Variants in KCNQ1OT1 observed in about 807,000 individuals in gnomAD.
KCNQ1OT1 encodes the protein KCNQ1 antisense RNA 2 (non-protein coding).
exon 1 of KCNQ1OT1, chr11:2,632,373 A>G (rs899314068): frequency 7.5e-6 from 3 of 398,154 alleles, no homozygotes; most frequent in African/African-American, 6.2e-5. Context: ...TCTTTTCCAT[A>G]TTCTTTGGCT....
At chr11:2,630,866 G>C (rs1264234075) in exon 1 of KCNQ1OT1, 1 of 398,336 alleles carries the variant, frequency 2.5e-6, no homozygotes, top group Non-Finnish European at 4.4e-6. Flanking sequence ...ATTCTTAGAT[G>C]GCAGTTTTTT....
exon 1 of KCNQ1OT1, chr11:2,630,764 G>A: frequency 5.0e-6 from 2 of 398,454 alleles, no homozygotes; most frequent in Non-Finnish European, 8.8e-6. Flanking sequence ...TGTAAGGCAA[G>A]AGTAGTTGCT....
rs1236971335 is a variant in KCNQ1OT1 at position 2,679,612 on chromosome 11, T to C, written n.20383A>G. 1 of 398,492 alleles carries C rather than the reference T, an allele frequency of 2.5e-6. No individual in the cohort carries two copies. Among genetic ancestry groups the C allele is most frequent in the East Asian group, 3.6e-5 (1 of 28,096 alleles). 24.7% of individuals were successfully genotyped at this position (398,492 alleles called of 1,614,324 possible). On this transcript the variant is annotated non_coding_transcript_exon_variant, in exon 1 of 1. Coordinates refer to ENST00000597346, the Ensembl canonical transcript of KCNQ1OT1. This position sits in a 1 kb window ranked among gnomAD's most constrained non-coding sequence, Gnocchi z 4.8. Reference sequence around the variant, plus strand: ...AAGCTGATGGGGAGGCGAGTTGGAATGAATAGTATCAGCATCAGAAAAAAT... The same window carrying C: ...AAGCTGATGGGGAGGCGAGTTGGAACGAATAGTATCAGCATCAGAAAAAAT...
Position 2,657,209 on chromosome 11 carries a change from C to T in KCNQ1OT1, n.42786G>A. On this transcript the variant is annotated non_coding_transcript_exon_variant, in exon 1 of 1. Coordinates refer to ENST00000597346, the Ensembl canonical transcript of KCNQ1OT1. The surrounding 1 kb of genome is among the most constrained non-coding windows in gnomAD (Gnocchi z 4.8). ...AATATTGCCAATTCTTGGCTTTTTG[C>T]ACTTCCAAGTCGCAGTTAGAATCAG... 2.5e-6 allele frequency: 1 copy of T among 398,644 alleles called. No homozygotes were observed. The highest frequency in any genetic ancestry group is 4.4e-5 in the Admixed American group (1 of 22,738). 24.7% of individuals were successfully genotyped at this position (398,644 alleles called of 1,614,324 possible).
In KCNQ1OT1 at chr11:2,658,091, A is replaced by G. The variant is rs1849883844; in HGVS notation, n.41904T>C. 1 of 398,398 alleles carries G rather than the reference A, an allele frequency of 2.5e-6. No homozygotes were observed. 24.7% of individuals were successfully genotyped at this position (398,398 alleles called of 1,614,324 possible). A position where few individuals can be genotyped will look rare whatever the true frequency, so the allele number is the denominator to read the frequency against. On this transcript the variant is annotated non_coding_transcript_exon_variant, in exon 1 of 1. Transcript: ENST00000597346. The surrounding 1 kb of genome is among the most constrained non-coding windows in gnomAD (Gnocchi z 4.9). The stretch of plus-strand genomic sequence containing the variant: ...GTGGGGAAGGGAGGGGTTCAACTCT[A>G]CCTCCTGCAGGAGAGTATCAAAAAA...
rs898083525 is a variant in KCNQ1OT1 at position 2,652,501 on chromosome 11, G to C, written n.47494C>G. Reference sequence around the variant, plus strand: ...CCTCCCCACCTCTCCAGAGGTTTCTGGGGAATGTCCTGTGAGCTCAACTCT... The same window carrying C: ...CCTCCCCACCTCTCCAGAGGTTTCTCGGGAATGTCCTGTGAGCTCAACTCT... On this transcript the variant is annotated non_coding_transcript_exon_variant, in exon 1 of 1. Coordinates refer to ENST00000597346, the Ensembl canonical transcript of KCNQ1OT1. This position sits in a 1 kb window ranked among gnomAD's most constrained non-coding sequence, Gnocchi z 5.9. 1 of 398,420 alleles carries C rather than the reference G, an allele frequency of 2.5e-6. No individual in the cohort carries two copies. Among genetic ancestry groups the C allele is most frequent in the African/African-American group, 2.1e-5 (1 of 48,604 alleles). The allele number at this position is 398,420 out of a possible 1,614,324, so 24.7% of individuals were successfully genotyped here. A position where few individuals can be genotyped will look rare whatever the true frequency, so the allele number is the denominator to read the frequency against.
At chr11:2,632,205 AAAT>A (rs1849369199) in exon 1 of KCNQ1OT1, 4 of 388,654 alleles carry the variant, frequency 1.0e-5, no homozygotes, top group African/African-American at 6.5e-5. Flanking sequence ...AAAAAAAAAG[AAAT>A]GCAACTGAAT....
At chr11:2,622,148 G>C (rs530419891) in exon 1 of KCNQ1OT1, 1 of 398,296 alleles carries the variant, frequency 2.5e-6, no homozygotes, top group African/African-American at 2.1e-5. Context: ...CTGAAAGTAC[G>C]TTATTGAAGT....
exon 1 of KCNQ1OT1, chr11:2,640,333 T>C: frequency 2.5e-6 from 1 of 398,546 alleles, no homozygotes; most frequent in Non-Finnish European, 4.4e-6. Flanking sequence ...GCTCCTCCTA[T>C]TCGGCCATCT....
At position 2,626,162 on chromosome 11, in the gene KCNQ1OT1, CTA is replaced by C. The variant is rs144940002; in HGVS notation, n.73831_73832del. 8,525 of 398,500 alleles carry C rather than the reference CTA, an allele frequency of 0.021. 531 individuals carry two copies. Among genetic ancestry groups the C allele is most frequent in the African/African-American group, 0.15 (7,168 of 48,690 alleles). The allele number at this position is 398,500 out of a possible 1,614,324, so 24.7% of individuals were successfully genotyped here. ...CTGCCAATGATGTAAAGTTTTTCCCCTATGTTTCCTTATAAGACTTCATAGTT... is the reference window on the plus strand; with the variant it reads ...CTGCCAATGATGTAAAGTTTTTCCCCTGTTTCCTTATAAGACTTCATAGTT... On this transcript the variant is annotated non_coding_transcript_exon_variant, in exon 1 of 1. Transcript: ENST00000597346. This position sits in a 1 kb window ranked among gnomAD's most constrained non-coding sequence, Gnocchi z 4.0.
In KCNQ1OT1 at chr11:2,613,051, C is replaced by T. The variant is rs1355687737; in HGVS notation, n.86944G>A. Reference sequence around the variant, plus strand: ...TAAGCCTGGCTTCATTGGTGTCACCCCTGGATCAGCATAACCTAGTGGTCA... The same window carrying T: ...TAAGCCTGGCTTCATTGGTGTCACCTCTGGATCAGCATAACCTAGTGGTCA... On this transcript the variant is annotated non_coding_transcript_exon_variant, in exon 1 of 1. Coordinates refer to ENST00000597346, the Ensembl canonical transcript of KCNQ1OT1. This position sits in a 1 kb window ranked among gnomAD's most constrained non-coding sequence, Gnocchi z 4.8. 5 of 398,438 alleles carry T rather than the reference C, an allele frequency of 1.3e-5. No individual in the cohort carries two copies. The highest frequency in any genetic ancestry group is 4.4e-5 in the Admixed American group (1 of 22,700). The allele number at this position is 398,438 out of a possible 1,614,324, so 24.7% of individuals were successfully genotyped here. A position where few individuals can be genotyped will look rare whatever the true frequency, so the allele number is the denominator to read the frequency against.
At position 2,661,869 on chromosome 11, in the gene KCNQ1OT1, T is replaced by C; in HGVS notation, n.38126A>G. On this transcript the variant is annotated non_coding_transcript_exon_variant, in exon 1 of 1. Transcript: ENST00000597346. The surrounding 1 kb of genome is among the most constrained non-coding windows in gnomAD (Gnocchi z 5.9). ...AGCTTCCAGGCACAAGCTCCACTCC[T>C]CACCTGGCCCTGGGAGCTCACAGGC... The C allele has an allele frequency of 7.2e-6, 11 of 1,526,392 alleles. No homozygotes were observed. Among genetic ancestry groups the C allele is most frequent in the Non-Finnish European group, 1.0e-5 (11 of 1,102,710 alleles). The allele number at this position is 1,526,392 out of a possible 1,614,324, so 94.6% of individuals were successfully genotyped here.
chr11:2,619,747 A>C (rs1849133293), exon 1 of KCNQ1OT1: 1 of 395,026 alleles, frequency 2.5e-6, no homozygotes, highest in Non-Finnish European at 4.4e-6. Flanking sequence ...CTATAGCTGC[A>C]TTTTTTTGGA....
chr11:2,633,200 T>C (rs1368147110), exon 1 of KCNQ1OT1: 1 of 398,432 alleles, frequency 2.5e-6, no homozygotes, highest in African/African-American at 2.1e-5. Flanking sequence ...TGTTGGCCAG[T>C]TGTTCTATTT....
At position 2,676,691 on chromosome 11, in the gene KCNQ1OT1, C is replaced by T. The variant is rs148188728; in HGVS notation, n.23304G>A. On this transcript the variant is annotated non_coding_transcript_exon_variant, in exon 1 of 1. Transcript: ENST00000597346. The surrounding 1 kb of genome is among the most constrained non-coding windows in gnomAD (Gnocchi z 4.2). ...TATTTCCAAGGGAGCACTAACTGGA[C>T]TACAGCCTGGCAGGAGATAACCAAG... 5.3e-5 allele frequency: 21 copies of T among 398,652 alleles called. No homozygotes were observed. The highest frequency in any genetic ancestry group is 4.0e-4 in the Admixed American group (9 of 22,742). The allele number at this position is 398,652 out of a possible 1,614,324, so 24.7% of individuals were successfully genotyped here. A position where few individuals can be genotyped will look rare whatever the true frequency, so the allele number is the denominator to read the frequency against.
In KCNQ1OT1 at chr11:2,669,760, CTT is replaced by C. The variant is rs1177667602; in HGVS notation, n.30233_30234del. 2.5e-6 allele frequency: 1 copy of C among 398,520 alleles called. No individual in the cohort carries two copies. Among genetic ancestry groups the C allele is most frequent in the Non-Finnish European group, 4.4e-6 (1 of 226,094 alleles). The allele number at this position is 398,520 out of a possible 1,614,324, so 24.7% of individuals were successfully genotyped here. A position where few individuals can be genotyped will look rare whatever the true frequency, so the allele number is the denominator to read the frequency against. ...AAATATTAGCCAGCATAGAATGTCT[CTT>C]TGTGATGGGAGATCCTGTGGGGACA... On this transcript the variant is annotated non_coding_transcript_exon_variant, in exon 1 of 1. Coordinates refer to ENST00000597346, the Ensembl canonical transcript of KCNQ1OT1. The surrounding 1 kb of genome is among the most constrained non-coding windows in gnomAD (Gnocchi z 5.6).
At chr11:2,643,055 T>A (rs945006579) in exon 1 of KCNQ1OT1, 1 of 397,986 alleles carries the variant, frequency 2.5e-6, no homozygotes, top group Non-Finnish European at 4.4e-6. Context: ...ATATATATAT[T>A]TAAAATCATA....
rs1386881470 is a variant in KCNQ1OT1 at position 2,611,855 on chromosome 11, G to C, written n.88140C>G. On this transcript the variant is annotated non_coding_transcript_exon_variant, in exon 1 of 1. Transcript: ENST00000597346. The surrounding 1 kb of genome is among the most constrained non-coding windows in gnomAD (Gnocchi z 5.3). ...TCTAGAGTACCATTCTAATTCCTTT[G>C]TTAGTTTATTTCCCCCATTTTTAAA... is the stretch of plus-strand genomic sequence containing the variant. The C allele has an allele frequency of 1.0e-5, 4 of 398,128 alleles. No individual in the cohort carries two copies. The highest frequency in any genetic ancestry group is 1.8e-5 in the Non-Finnish European group (4 of 225,966). 24.7% of individuals were successfully genotyped at this position (398,128 alleles called of 1,614,324 possible).
chr11:2,690,304 T>C lies in KCNQ1OT1; in HGVS notation n.9691A>G, dbSNP rs1288110936. On this transcript the variant is annotated non_coding_transcript_exon_variant, in exon 1 of 1. Coordinates refer to ENST00000597346, the Ensembl canonical transcript of KCNQ1OT1. The surrounding 1 kb of genome is among the most constrained non-coding windows in gnomAD (Gnocchi z 5.1). ...GTGTAGTGTCTTCCTCCCTGTAGGA[T>C]TGTCACAAGGATTAAATGATGTCAA... 2.5e-6 allele frequency: 1 copy of C among 398,520 alleles called. No homozygotes were observed. The highest frequency in any genetic ancestry group is 2.1e-5 in the African/African-American group (1 of 48,622). The allele number at this position is 398,520 out of a possible 1,614,324, so 24.7% of individuals were successfully genotyped here.
Sources: gnomAD v4.1 joint callset for allele counts on GRCh38, gnomAD v4.1.1 for gene constraint, Gnocchi (gnomAD v3.1) non-coding constraint, MANE v1.5 for transcripts, NCBI Gene and HGNC (gene_info 2026-07-23, HGNC 2026-07-21) for gene names.